The following SYCP1 variants were observed in gnomAD, a reference collection of about 807,000 sequenced individuals.
SYCP1 encodes synaptonemal complex protein 1.
Under a neutral mutation model 153.1 loss-of-function variants are expected in SYCP1, and 64 were observed. That is an observed-to-expected ratio of 0.42 (90% CI 0.34 to 0.51). The LOEUF is 0.51. Among genes scored for constraint, SYCP1 ranks in the 20% least tolerant of loss-of-function variants. SYCP1 has a pLI of 0.06. For missense variants in SYCP1, 997 were observed against 1,049.0 expected (o/e 0.95, Z 0.68); for synonymous variants, 384 against 341.8 (o/e 1.12, Z -1.36).
chr1:114,948,803 T>C (rs1183870446), intron 27 of SYCP1, among the ~76,000 whole-genome samples: 1 of 152,232 alleles, frequency 6.6e-6, no homozygotes, highest in Admixed American at 6.5e-5. Context: ...ATAAGATTCA[T>C]GCTTACCTTT....
At chr1:114,963,335 C>T (rs1289654954) in intron 27 of SYCP1, among the ~76,000 whole-genome samples, 1 of 152,082 alleles carries the variant, frequency 6.6e-6, no homozygotes, top group Non-Finnish European at 1.5e-5. Context: ...TTAACATAAT[C>T]CCAAGCTTCT....
intron 27 of SYCP1, among the ~76,000 whole-genome samples, chr1:114,960,822 C>T (rs181497722): frequency 2.6e-5 from 4 of 151,832 alleles, no homozygotes; most frequent in Admixed American, 2.0e-4. Flanking sequence ...TTTCTTTTTT[C>T]GTTTTGTCCT....
At chr1:114,871,531 C>G (rs1557758734) in intron 8 of SYCP1, among the ~76,000 whole-genome samples, 1 of 151,980 alleles carries the variant, frequency 6.6e-6, no homozygotes, top group Non-Finnish European at 1.5e-5. Flanking sequence ...CATAAATAAG[C>G]ATTTATAATC....
At chr1:114,920,958 G>A (rs943637777) in intron 20 of SYCP1, among the ~76,000 whole-genome samples, 7 of 152,080 alleles carry the variant, frequency 4.6e-5, no homozygotes, top group African/African-American at 1.7e-4. Flanking sequence ...TTTGATTGAA[G>A]AGTTTAGTCC....
chr1:114,987,347 A>G (rs1430505715), intron 30 of SYCP1, among the ~76,000 whole-genome samples: 1 of 152,026 alleles, frequency 6.6e-6, no homozygotes, highest in Non-Finnish European at 1.5e-5. Context: ...CAGAGTTACC[A>G]AAGTATAATA....
At chr1:114,885,792 A>T (rs1666255143) in intron 13 of SYCP1, among the ~76,000 whole-genome samples, 163 bp downstream of exon 13, 1 of 151,850 alleles carries the variant, frequency 6.6e-6, no homozygotes, top group Admixed American at 6.5e-5. Flanking sequence ...GACATTGCAT[A>T]AAAACACATC....
intron 5 of SYCP1, 118 bp from the exon 6 acceptor site, chr1:114,858,429 C>A: frequency 1.3e-6 from 1 of 764,442 alleles, no homozygotes; most frequent in Non-Finnish European, 2.0e-6. Flanking sequence ...GCTATTAGTG[C>A]TTAAATTGAG....
intron 20 of SYCP1, among the ~76,000 whole-genome samples, chr1:114,917,698 C>T (rs1469721679): frequency 6.6e-6 from 1 of 152,054 alleles, no homozygotes; most frequent in South Asian, 2.1e-4. Flanking sequence ...GATGATATCT[C>T]ATTGTAGTTT....
chr1:114,887,626 A>T lies in SYCP1; in HGVS notation c.1191A>T (p.Arg397Ser), dbSNP rs1666403814. ...TATTGAAAATGATATATTTTACAAG[A>T]TTGGAAAAAAATGAAGATCAATTGA... is the stretch of plus-strand genomic sequence containing the variant. ...LEELLRTEQQ[R>S]LEKNEDQLKI... is the part of the protein sequence containing the mutation. Residue 397 changes from arginine (R) to serine (S), a missense_variant and splice_region_variant, in exon 15 of 32, where the codon AGA becomes AGT. Transcript: ENST00000369522. 2 of 1,546,780 alleles carry T rather than the reference A, an allele frequency of 1.3e-6. No homozygotes were observed. The highest frequency in any genetic ancestry group is 1.8e-6 in the Non-Finnish European group (2 of 1,137,622).
intron 23 of SYCP1, among the ~76,000 whole-genome samples, chr1:114,929,605 A>G (rs1468539396): frequency 6.6e-6 from 1 of 152,070 alleles, no homozygotes; most frequent in African/African-American, 2.4e-5. Context: ...GACAAGTAGT[A>G]TTATTAAAGA....
At chr1:114,982,264 G>A (rs1673206318) in intron 29 of SYCP1, among the ~76,000 whole-genome samples, 2 of 151,854 alleles carry the variant, frequency 1.3e-5, no homozygotes, top group South Asian at 4.1e-4. Flanking sequence ...GATGCTCTTG[G>A]AGTTCCTGCC....
chr1:114,862,398 G>C (rs1348423233), intron 8 of SYCP1, among the ~76,000 whole-genome samples: 1 of 150,956 alleles, frequency 6.6e-6, no homozygotes, highest in East Asian at 2.0e-4. Context: ...GGCCAGGCTG[G>C]AGTGCAGTGG....
chr1:114,898,932 G>A (rs986253651), intron 16 of SYCP1, among the ~76,000 whole-genome samples: 26 of 152,230 alleles, frequency 1.7e-4, no homozygotes, highest in Middle Eastern at 3.4e-3. Context: ...GGAACTCCTG[G>A]CCTGTTAGAA....
rs946125154 is a variant in SYCP1 at position 114,944,385 on chromosome 1, G to A, written c.1973G>A (p.Gly658Glu). ...CTAGAAAGTGCCAAACAGAAATTTG[G>A]AGAAATCACAGACACCTATCAGAAA... Reference protein sequence around the residue: ...LELESAKQKFGEITDTYQKEI... With the variant: ...LELESAKQKFEEITDTYQKEI... Residue 658 changes from glycine to glutamate, a missense_variant, in exon 24 of 32, where the codon GGA (glycine) becomes GAA (glutamate). This residue lies in a region of SYCP1 where 712 missense variants were observed against 682.9 expected (regional missense o/e 1.04). Transcript: ENST00000369522. 1 of 1,606,282 alleles carries A rather than the reference G, an allele frequency of 6.2e-7. No homozygotes were observed. Among genetic ancestry groups the A allele is most frequent in the East Asian group, 2.3e-5 (1 of 44,264 alleles).
At chr1:114,903,451 A>G (rs1042492003) in intron 16 of SYCP1, among the ~76,000 whole-genome samples, 2 of 152,198 alleles carry the variant, frequency 1.3e-5, no homozygotes, top group African/African-American at 4.8e-5. Context: ...TGAAATCTGG[A>G]GAAAAAATAC....
At chr1:114,921,421 G>A (rs947908152) in intron 20 of SYCP1, among the ~76,000 whole-genome samples, 1 of 151,958 alleles carries the variant, frequency 6.6e-6, no homozygotes, top group East Asian at 1.9e-4. Context: ...GCTCACTCCT[G>A]TAATCCCAGC....
Position 114,964,570 on chromosome 1 carries a change from G to A in SYCP1, c.2323-12987G>A, listed in dbSNP as rs188121953. ...TTTTTGTATAAGATGTAAGGAAGGG[G>A]TCCAGTTTCAGTTTTCTGCATATGG... On this transcript the variant is annotated intron_variant, in intron 27 of 31. Coordinates refer to ENST00000369522, the MANE Select transcript of SYCP1 (RefSeq NM_003176.4). Among the ~76,000 whole-genome samples, 156 of 152,138 alleles carry A rather than the reference G, an allele frequency of 1.0e-3. 1 individual carries two copies. The highest frequency in any genetic ancestry group is 3.4e-3 in the African/African-American group (142 of 41,512).
chr1:114,914,852 A>T (rs549110500), intron 20 of SYCP1, among the ~76,000 whole-genome samples: 57 of 152,144 alleles, frequency 3.7e-4, no homozygotes, highest in South Asian at 1.7e-3. Flanking sequence ...GTACAATACA[A>T]TCTAGATGAT....
chr1:114,953,341 T>C (rs1330588730), intron 27 of SYCP1, among the ~76,000 whole-genome samples: 1 of 152,198 alleles, frequency 6.6e-6, no homozygotes, highest in African/African-American at 2.4e-5. Context: ...TCTCAGTTTT[T>C]CCTTTTATGG....
Sources: gnomAD v4.1 joint callset for allele counts (sites outside exome capture counted in the v4.1 genomes callset) on GRCh38, gnomAD v4.1.1 for gene constraint, gnomAD v4.1.1 regional missense constraint, MANE v1.5 for transcripts, NCBI Gene and HGNC (gene_info 2026-07-23, HGNC 2026-07-21) for gene names.